GABRA3: variants seen among roughly 807,000 people sequenced by gnomAD.
GABRA3 encodes gamma-aminobutyric acid receptor subunit alpha-3.
Under a neutral mutation model 30.1 loss-of-function variants are expected in GABRA3, and 10 were observed. The observed-to-expected ratio is 0.33, with a 90% CI of 0.20 to 0.56. The LOEUF (loss-of-function observed/expected upper bound fraction) is 0.56. GABRA3 is among the 20% of genes least tolerant of loss of function. The probability of loss-of-function intolerance (pLI) is 0.89; values close to 1 mark genes in which losing one functional copy is unlikely to be tolerated. For missense variants in GABRA3, 233 were observed against 392.0 expected, an observed-to-expected ratio of 0.59 and a Z score of 3.42; for synonymous variants, 151 against 146.8, an observed-to-expected ratio of 1.03 and a Z score of -0.21.
chrX:152,425,374 A>G (rs975566585), intron 1 of GABRA3, among the ~76,000 whole-genome samples: 2 of 111,133 alleles, frequency 1.8e-5, no homozygotes, highest in African/African-American at 6.5e-5. Context: ...TGTCCCAATA[A>G]CGCTCTCTAT....
At chrX:152,410,403 C>G (rs112876171) in intron 1 of GABRA3, among the ~76,000 whole-genome samples, 2,452 of 111,111 alleles carry the variant, frequency 0.022, 33 homozygotes, top group South Asian at 0.057. Flanking sequence ...ATGAAAAATG[C>G]TTGAGGTGAT....
intron 4 of GABRA3, among the ~76,000 whole-genome samples, chrX:152,273,411 A>G (rs1938983476): frequency 8.9e-6 from 1 of 112,265 alleles, no homozygotes; most frequent in South Asian, 3.7e-4. Flanking sequence ...TAGAACTACC[A>G]TATGATCCTG....
rs770907998 is a variant in GABRA3 at position 152,450,018 on chromosome X, C to G, written c.-27+1128G>C. Among the ~76,000 whole-genome samples, 68 of 111,415 alleles carry G rather than the reference C, an allele frequency of 6.1e-4. 1 individual carries two copies. Among genetic ancestry groups the G allele is most frequent in the Non-Finnish European group, 1.2e-3 (62 of 53,098 alleles). ...ATTAGTATTAGGGATGTCAGAATTA[C>G]TACCACAGGCACAGCAGCGTCACTC... On this transcript the variant is annotated intron_variant, in intron 1 of 9. Coordinates refer to ENST00000370314, the MANE Select transcript of GABRA3 (RefSeq NM_000808.4).
At chrX:152,304,036 T>C (rs1939682025) in intron 3 of GABRA3, among the ~76,000 whole-genome samples, 1 of 112,321 alleles carries the variant, frequency 8.9e-6, no homozygotes, top group Admixed American at 9.4e-5. Flanking sequence ...GTGAGTTTAA[T>C]TTACATTTCT....
intron 4 of GABRA3, among the ~76,000 whole-genome samples, chrX:152,260,188 G>A (rs888767019): frequency 9.0e-6 from 1 of 111,169 alleles, no homozygotes; most frequent in African/African-American, 3.3e-5. Context: ...AAGACTGCAT[G>A]CTGTGGTTTA....
intron 3 of GABRA3, among the ~76,000 whole-genome samples, chrX:152,338,603 G>T (rs753655511): frequency 9.6e-4 from 107 of 111,814 alleles, no homozygotes; most frequent in Non-Finnish European, 1.7e-3. Context: ...AATAGTATTT[G>T]CCCAGACCAA....
intron 3 of GABRA3, among the ~76,000 whole-genome samples, chrX:152,324,501 A>G (rs1940021273): frequency 8.9e-6 from 1 of 112,191 alleles, no homozygotes; most frequent in South Asian, 3.6e-4. Context: ...TCATGTGTCC[A>G]TTATGCTACA....
At chrX:152,328,942 T>C (rs1225021455) in intron 3 of GABRA3, among the ~76,000 whole-genome samples, 1 of 111,931 alleles carries the variant, frequency 8.9e-6, no homozygotes, top group Non-Finnish European at 1.9e-5. Flanking sequence ...ATTGTATATT[T>C]AGAAAACCCC....
chrX:152,289,191 T>G (rs1256257151), intron 3 of GABRA3, among the ~76,000 whole-genome samples: 1 of 109,203 alleles, frequency 9.2e-6, no homozygotes, highest in Non-Finnish European at 1.9e-5. Context: ...TTTTCTGGTT[T>G]TACCTCAAAT....
At chrX:152,187,120 T>A (rs1390607211) in intron 9 of GABRA3, 1 of 111,783 alleles carries the variant, frequency 8.9e-6, no homozygotes. Context: ...TCCAGTTTAA[T>A]ATGTCAGAGT....
At chrX:152,349,614 T>C (rs1940444899) in intron 2 of GABRA3, among the ~76,000 whole-genome samples, 1 of 105,670 alleles carries the variant, frequency 9.5e-6, no homozygotes, top group Non-Finnish European at 1.9e-5. Flanking sequence ...GAGGAAGATC[T>C]ACCAAGCAAA....
rs765447063 is a variant in GABRA3 at position 152,168,326 on chromosome X, T to C, written c.1381A>G (p.Ile461Val). ...SVSKVDKISR[I>V]IFPVLFAIFN... is the part of the protein sequence containing the mutation. ...ATGGCAAAGAGCACAGGAAAGATGATGCGGGAAATTTTGTCAACCTTGCTG... is the reference window on the plus strand; with the variant it reads ...ATGGCAAAGAGCACAGGAAAGATGACGCGGGAAATTTTGTCAACCTTGCTG... The change falls in exon 10 of 10, where the codon ATC becomes GTC. Residue 461 changes from isoleucine (I) to valine (V), a missense_variant. Ile to Val is a conservative substitution (Grantham distance 29). Transcript: ENST00000370314. 23 of 1,211,444 alleles carry C rather than the reference T, an allele frequency of 1.9e-5. No homozygotes were observed. The highest frequency in any genetic ancestry group is 2.6e-5 in the Non-Finnish European group (23 of 895,260).
chrX:152,421,889 A>G (rs1301186365), intron 1 of GABRA3, among the ~76,000 whole-genome samples: 1 of 111,737 alleles, frequency 8.9e-6, no homozygotes, highest in African/African-American at 3.2e-5. Context: ...ATTTAAATGT[A>G]TAACAGTAGT....
chrX:152,321,461 C>A (rs1369200516), intron 3 of GABRA3, among the ~76,000 whole-genome samples: 1 of 111,505 alleles, frequency 9.0e-6, no homozygotes, highest in South Asian at 3.8e-4. Flanking sequence ...AATATGAGCA[C>A]CACTGTATTG....
intron 1 of GABRA3, among the ~76,000 whole-genome samples, chrX:152,419,197 C>T (rs772047513): frequency 1.8e-5 from 2 of 110,843 alleles, no homozygotes; most frequent in Admixed American, 9.6e-5. Context: ...TGTTAAATGA[C>T]GAGTTACTGG....
intron 4 of GABRA3, among the ~76,000 whole-genome samples, chrX:152,257,469 G>A (rs1457902424): frequency 8.9e-6 from 1 of 112,846 alleles, no homozygotes; most frequent in African/African-American, 3.2e-5. Flanking sequence ...AATCGTATGT[G>A]GGATGAACTT....
chrX:152,302,644 C>T (rs145070874), intron 3 of GABRA3, among the ~76,000 whole-genome samples: 66 of 110,738 alleles, frequency 6.0e-4, no homozygotes, highest in African/African-American at 9.5e-4. Flanking sequence ...TATATGGTGA[C>T]GCTGAGGCTT....
At chrX:152,284,472 T>C (rs1002273084) in intron 4 of GABRA3, among the ~76,000 whole-genome samples, 196 bp downstream of exon 4, 6 of 111,426 alleles carry the variant, frequency 5.4e-5, no homozygotes, top group Admixed American at 9.6e-5. Flanking sequence ...AAGGGGTATA[T>C]ACATTATATG....
At position 152,250,998 on chromosome X, in the gene GABRA3, G is replaced by A. The variant is rs1938544063; in HGVS notation, c.551+4780C>T. On this transcript the variant is annotated intron_variant, in intron 5 of 9. Coordinates refer to ENST00000370314, the MANE Select transcript of GABRA3 (RefSeq NM_000808.4). ...TCAGACTAGAGAAAGTGAACGGTTTGTGACTTGAGAAAGGTCACTAGGTGA... is the reference window on the plus strand; with the variant it reads ...TCAGACTAGAGAAAGTGAACGGTTTATGACTTGAGAAAGGTCACTAGGTGA... The A allele has an allele frequency of 1.3e-5, 3 of 239,440 alleles. No homozygotes were observed. The South Asian group carries it at 1.4e-4, about 11-fold the overall frequency. 19.7% of individuals were successfully genotyped at this position (239,440 alleles called of 1,213,427 possible). A position where few individuals can be genotyped will look rare whatever the true frequency, so the allele number is the denominator to read the frequency against.
Sources: allele counts gnomAD v4.1 joint callset (sites outside exome capture counted in the v4.1 genomes callset), GRCh38; gene constraint gnomAD v4.1.1; transcripts MANE v1.5; gene names NCBI Gene and HGNC (gene_info 2026-07-23, HGNC 2026-07-21).